KIF15: variants seen among roughly 807,000 people sequenced by gnomAD.
KIF15 encodes kinesin family member 15.
Under a neutral mutation model 190.6 loss-of-function variants are expected in KIF15, and 140 were observed. The ratio of observed to expected loss-of-function variants is 0.73; its 90% CI spans 0.64 to 0.84. The LOEUF is 0.84. Ranked by LOEUF, KIF15 falls within the 40% of genes least tolerant of loss-of-function variation. The pLI is 0.00. For missense variants in KIF15, 1,372 were observed against 1,584.4 expected (o/e 0.87, Z 2.28); for synonymous variants, 528 against 551.3 (o/e 0.96, Z 0.59).
intron 4 of KIF15, among the ~76,000 whole-genome samples, chr3:44,778,919 G>T (rs1706026275): frequency 7.3e-6 from 1 of 137,360 alleles, no homozygotes. Flanking sequence ...GGCAGAGGTT[G>T]CAGTGAGCCG....
At chr3:44,837,698 C>T (rs1698394645) in intron 26 of KIF15, among the ~76,000 whole-genome samples, 1 of 152,156 alleles carries the variant, frequency 6.6e-6, no homozygotes, top group African/African-American at 2.4e-5. Context: ...AGTATCTGCT[C>T]TAATTTGGGA....
At chr3:44,834,545 C>T (rs1698216493) in intron 26 of KIF15, among the ~76,000 whole-genome samples, 2 of 152,002 alleles carry the variant, frequency 1.3e-5, no homozygotes, top group African/African-American at 2.4e-5. Flanking sequence ...AGTGTTAAAA[C>T]GTTAGGAGAG....
intron 24 of KIF15, among the ~76,000 whole-genome samples, chr3:44,828,556 A>G (rs971235913): frequency 7.2e-5 from 11 of 152,196 alleles, no homozygotes; most frequent in Non-Finnish European, 1.2e-4. Context: ...TACCCTTTTA[A>G]CTAGGATGCT....
intron 1 of KIF15, among the ~76,000 whole-genome samples, chr3:44,765,641 T>G (rs944698342): frequency 6.6e-5 from 10 of 152,232 alleles, no homozygotes. Context: ...TCTTGCTCCA[T>G]TGAAGGAGTA....
At chr3:44,812,115 C>A (rs780581021) in intron 17 of KIF15, 67 bp from the exon 18 acceptor site, 2 of 1,192,784 alleles carry the variant, frequency 1.7e-6, no homozygotes, top group Non-Finnish European at 1.2e-6. Flanking sequence ...TTAATGCAGA[C>A]GAAATGGTGG....
At chr3:44,815,510 C>G (rs1707992362) in intron 20 of KIF15, among the ~76,000 whole-genome samples, 1 of 152,152 alleles carries the variant, frequency 6.6e-6, no homozygotes, top group African/African-American at 2.4e-5. Flanking sequence ...AGTCACTTTA[C>G]CAGGTTTGAG....
chr3:44,820,326 CTTTTTTTTTTCCT>C (rs1559563091), intron 20 of KIF15, among the ~76,000 whole-genome samples: 1 of 127,186 alleles, frequency 7.9e-6, no homozygotes, highest in African/African-American at 2.9e-5. Context: ...GATGCAGTTT[CTTTTTTTTTTCCT>C]TTTTTTTTTT....
At chr3:44,823,802 C>T (rs1462448642) in intron 20 of KIF15, among the ~76,000 whole-genome samples, 1 of 152,084 alleles carries the variant, frequency 6.6e-6, no homozygotes, top group African/African-American at 2.4e-5. Context: ...GCTCCGTGGG[C>T]GTGGGACCCA....
At chr3:44,831,087 A>G in intron 26 of KIF15, 69 bp downstream of exon 26, 1 of 1,502,230 alleles carries the variant, frequency 6.7e-7, no homozygotes, top group South Asian at 1.2e-5. Flanking sequence ...TTGTGTGTGG[A>G]AGTTATTAAT....
chr3:44,820,939 G>A (rs1177133598), intron 20 of KIF15, among the ~76,000 whole-genome samples: 8 of 151,242 alleles, frequency 5.3e-5, no homozygotes, highest in East Asian at 2.0e-4. Flanking sequence ...GGGCAGAGGC[G>A]CCCCTCACCT....
At chr3:44,784,808 G>A (rs751528395) in intron 5 of KIF15, 37 bp from the exon 6 acceptor site, 1 of 1,093,444 alleles carries the variant, frequency 9.1e-7, no homozygotes, top group Admixed American at 2.4e-5. Flanking sequence ...TCTTGGAATA[G>A]AATAAAAATC....
chr3:44,842,374 T>G (rs1268425594), intron 29 of KIF15, among the ~76,000 whole-genome samples: 1 of 152,060 alleles, frequency 6.6e-6, no homozygotes, highest in Non-Finnish European at 1.5e-5. Context: ...TGTAGGTGCA[T>G]GGGGAAGGAT....
chr3:44,793,502 T>G (rs1706819773), intron 7 of KIF15, among the ~76,000 whole-genome samples: 1 of 152,210 alleles, frequency 6.6e-6, no homozygotes, highest in Non-Finnish European at 1.5e-5. Flanking sequence ...GCGCTCTGAT[T>G]TCCTGTTTGT....
intron 10 of KIF15, among the ~76,000 whole-genome samples, chr3:44,799,839 C>T (rs1160979561): frequency 6.6e-6 from 1 of 151,848 alleles, no homozygotes; most frequent in Non-Finnish European, 1.5e-5. Context: ...GGTCGGATTC[C>T]TCTGGAGAAG....
chr3:44,842,927 C>A (rs975429195), intron 29 of KIF15, among the ~76,000 whole-genome samples, 198 bp from the exon 30 acceptor site: 12 of 152,094 alleles, frequency 7.9e-5, no homozygotes, highest in Non-Finnish European at 1.5e-4. Context: ...GTGTTCAAGA[C>A]ACTGTGGATG....
At chr3:44,773,499 G>A (rs1229814623) in intron 1 of KIF15, among the ~76,000 whole-genome samples, 1 of 152,198 alleles carries the variant, frequency 6.6e-6, no homozygotes, top group African/African-American at 2.4e-5. Flanking sequence ...TGAGCCTGCA[G>A]CCACTGGGTT....
intron 17 of KIF15, 68 bp downstream of exon 17, chr3:44,811,111 A>G: frequency 4.1e-6 from 5 of 1,214,690 alleles, no homozygotes; most frequent in East Asian, 2.3e-5. Flanking sequence ...TTGTTATTTT[A>G]ATTCCCTATA....
chr3:44,805,575 C>A (rs1707458410), intron 15 of KIF15, among the ~76,000 whole-genome samples: 2 of 152,240 alleles, frequency 1.3e-5, no homozygotes, highest in South Asian at 4.1e-4. Flanking sequence ...ATGTTTGGTT[C>A]AAAAATGACA....
At chr3:44,840,294 T>C (rs1216735323) in intron 27 of KIF15, 61 bp from the exon 28 acceptor site, 1 of 960,672 alleles carries the variant, frequency 1.0e-6, no homozygotes, top group East Asian at 2.6e-5. Flanking sequence ...TTGTCTTTTC[T>C]ATTTGGACCA....
Sources: gnomAD v4.1 joint callset for allele counts (sites outside exome capture counted in the v4.1 genomes callset) on GRCh38, gnomAD v4.1.1 for gene constraint, MANE v1.5 for transcripts, NCBI Gene and HGNC (gene_info 2026-07-23, HGNC 2026-07-21) for gene names.